Variants in LRRC27 observed in about 807,000 individuals in gnomAD.
The protein encoded by LRRC27 is leucine-rich repeat-containing protein 27.
Under a neutral mutation model 55.0 loss-of-function variants are expected in LRRC27, and 57 were observed. That is an observed-to-expected ratio of 1.04 (90% CI 0.84 to 1.29). LRRC27 has a LOEUF of 1.29. LRRC27 is among the 50% of genes most tolerant of loss of function. LRRC27 has a pLI of 0.00. For synonymous variants in LRRC27, 278 were observed against 251.9 expected, an observed-to-expected ratio of 1.10 and a Z score of -0.98; for missense variants, 721 against 651.5, an observed-to-expected ratio of 1.11 and a Z score of -1.16.
At chr10:132,343,227 C>G (rs1282163470) in intron 4 of LRRC27, among the ~76,000 whole-genome samples, 3 of 152,002 alleles carry the variant, frequency 2.0e-5, no homozygotes, top group African/African-American at 7.3e-5. Context: ...AGGCAGGAGG[C>G]TAACTTGAGC....
chr10:132,351,354 AAGCG>A, intron 6 of LRRC27: 1 of 439,288 alleles, frequency 2.3e-6, no homozygotes, highest in South Asian at 2.9e-5. Flanking sequence ...GCCGACTGTC[AAGCG>A]TCCCGGGAAA....
intron 7 of LRRC27, among the ~76,000 whole-genome samples, chr10:132,354,169 C>G (rs576830343): frequency 6.6e-6 from 1 of 152,312 alleles, no homozygotes; most frequent in African/African-American, 2.4e-5. Context: ...TACCCCCAGA[C>G]AACAGGCTCG....
intron 9 of LRRC27, among the ~76,000 whole-genome samples, chr10:132,364,614 TACATCTACCTCCACGCCCACACTTA>T: frequency 1.0e-5 from 1 of 97,536 alleles, no homozygotes; most frequent in Middle Eastern, 7.6e-3. Context: ...CGTCCACGCT[TACATCTACCTCCACGCCCACACTTA>T]ACACCCACCC....
intron 9 of LRRC27, among the ~76,000 whole-genome samples, chr10:132,365,050 A>T (rs2068997262): frequency 6.6e-6 from 1 of 152,280 alleles, no homozygotes; most frequent in Admixed American, 6.5e-5. Context: ...GGATTTAGGA[A>T]AACCGTGTAT....
At position 132,333,711 on chromosome 10, in the gene LRRC27, G is replaced by A. The variant is rs1240110309; in HGVS notation, c.187G>A (p.Val63Ile). 4 of 1,613,426 alleles carry A rather than the reference G, an allele frequency of 2.5e-6. No homozygotes were observed. The highest frequency in any genetic ancestry group is 3.4e-6 in the Non-Finnish European group (4 of 1,180,024). ...AAGTGGTCTGTGCCGTTTGGAGGAG[G>A]TCTTTAGAATCCCCAGCCTTCAAGT... ...SESGLCRLEE[V>I]FRIPSLQQLH... The change falls in exon 2 of 11, where the codon GTC becomes ATC. Residue 63 changes from valine (V) to isoleucine (I), a missense_variant. Physicochemically the swap from Val to Ile is conservative, Grantham distance 29. Transcript: ENST00000368614.
At chr10:132,352,926 G>A (rs568155456) in intron 7 of LRRC27, 44 of 1,613,872 alleles carry the variant, frequency 2.7e-5, no homozygotes, top group South Asian at 1.2e-4. Flanking sequence ...GCCCTGACAC[G>A]GTCATCAGGG....
chr10:132,348,355 AG>A lies in LRRC27; in HGVS notation c.926+1del. On this transcript the variant is annotated frameshift_variant and splice_region_variant, in exon 6 of 11. Transcript: ENST00000368614. LOFTEE classifies it high-confidence loss of function. This position sits in a 1 kb window ranked among gnomAD's most constrained non-coding sequence, Gnocchi z 4.2. ...KELPKPRHVFRRKTASSRSIL... is the reference protein window; with the variant it reads ...KELPKPRHVFXRKTASSRSIL... ...ACTACCAAAGCCAAGACACGTTTTC[AG>A]GTAAAACTGAAAAGCAACGGGGGAT... is the stretch of plus-strand genomic sequence containing the variant. 6.2e-7 allele frequency: 1 copy of A among 1,603,124 alleles called. No homozygotes were observed. Among genetic ancestry groups the A allele is most frequent in the Non-Finnish European group, 8.5e-7 (1 of 1,173,156 alleles).
rs1454487367 is a variant in LRRC27 at position 132,378,958 on chromosome 10, CAG to C, written c.*3717_*3718del. ...GAGTTTCCGGTCACCTCCGTGTTCT[CAG>C]GGAGTGCGTGGTCTTGGATGCCATC... On this transcript the variant is annotated 3_prime_UTR_variant, in exon 11 of 11. Transcript: ENST00000368614. The C allele has an allele frequency of 6.6e-6, 1 of 152,668 alleles. No individual in the cohort carries two copies. The highest frequency in any genetic ancestry group is 2.0e-4 in the East Asian group (1 of 5,124). The allele number at this position is 152,668 out of a possible 1,614,324, so 9.5% of individuals were successfully genotyped here.
At chr10:132,347,853 C>G (rs994678431) in intron 5 of LRRC27, 131 bp from the exon 6 acceptor site, 2 of 1,147,588 alleles carry the variant, frequency 1.7e-6, no homozygotes, top group Non-Finnish European at 2.5e-6. Context: ...TTTGGATTGA[C>G]AGGGAACGTG....
chr10:132,334,578 A>G (rs190330006), intron 2 of LRRC27, among the ~76,000 whole-genome samples: 111 of 152,302 alleles, frequency 7.3e-4, no homozygotes, highest in African/African-American at 2.6e-3. Flanking sequence ...AGAGCTACAT[A>G]TTTAGATTTT....
intron 6 of LRRC27, chr10:132,349,138 C>G (rs1232183945): frequency 1.0e-6 from 1 of 969,450 alleles, no homozygotes; most frequent in Non-Finnish European, 1.6e-6. Context: ...AGAGAGAATG[C>G]TGCAAAATAA....
chr10:132,330,645 C>T (rs143262715), upstream of LRRC27, among the ~76,000 whole-genome samples: 5 of 149,812 alleles, frequency 3.3e-5, no homozygotes, highest in East Asian at 1.0e-3. Context: ...ACAGCTGGAA[C>T]TACAGGTGTG....
intron 9 of LRRC27, among the ~76,000 whole-genome samples, chr10:132,364,316 C>T (rs914298050): frequency 7.2e-5 from 6 of 82,794 alleles, no homozygotes; most frequent in Non-Finnish European, 8.5e-5. Context: ...CACCAACACC[C>T]ACACCACACC....
At position 132,348,935 on chromosome 10, in the gene LRRC27, C is replaced by G. The variant is rs116725700; in HGVS notation, c.926+579C>G. Reference sequence around the variant, plus strand: ...CCTTTGGTACAGTGAGTTTGGGGGCCGAGATTTTATTTTCCTTTCACACCC... The same window carrying G: ...CCTTTGGTACAGTGAGTTTGGGGGCGGAGATTTTATTTTCCTTTCACACCC... On this transcript the variant is annotated intron_variant, in intron 6 of 10. Transcript: ENST00000368614. The surrounding 1 kb of genome is among the most constrained non-coding windows in gnomAD (Gnocchi z 4.2). 1.3e-6 allele frequency: 2 copies of G among 1,538,198 alleles called. No individual in the cohort carries two copies. The highest frequency in any genetic ancestry group is 2.4e-5 in the East Asian group (1 of 42,118).
chr10:132,366,819 C>T (rs575213137), intron 10 of LRRC27: 31 of 1,256,506 alleles, frequency 2.5e-5, no homozygotes, highest in Non-Finnish European at 3.1e-5. Flanking sequence ...CCATTCCCAC[C>T]ATTTCCGCTG....
chr10:132,334,102 G>A (rs1331977752), intron 2 of LRRC27, among the ~76,000 whole-genome samples: 2 of 152,198 alleles, frequency 1.3e-5, no homozygotes, highest in Non-Finnish European at 2.9e-5. Flanking sequence ...TCTCACCCAT[G>A]ATTTTGCTCA....
chr10:132,349,125 TAG>T (rs1166252553), intron 6 of LRRC27: 15 of 1,070,424 alleles, frequency 1.4e-5, no homozygotes, highest in Non-Finnish European at 1.7e-5. Context: ...TGTAAACATC[TAG>T]AGAGAGAATG....
At chr10:132,349,071 G>A (rs1159402193) in intron 6 of LRRC27, 1 of 1,537,472 alleles carries the variant, frequency 6.5e-7, no homozygotes, top group Non-Finnish European at 8.9e-7. Context: ...TGTATCTGTG[G>A]TGTGCGTGTG....
At chr10:132,357,065 T>C (rs2068343292) in intron 8 of LRRC27, among the ~76,000 whole-genome samples, 2 of 152,254 alleles carry the variant, frequency 1.3e-5, no homozygotes, top group Non-Finnish European at 2.9e-5. Context: ...AACTTTGTAT[T>C]GAACTAGTTT....
Sources: allele counts gnomAD v4.1 joint callset (sites outside exome capture counted in the v4.1 genomes callset), GRCh38; gene constraint gnomAD v4.1.1; non-coding constraint Gnocchi (gnomAD v3.1); transcripts MANE v1.5; gene names NCBI Gene and HGNC (gene_info 2026-07-23, HGNC 2026-07-21).